The following NCKAP5 variants were observed in gnomAD, a reference collection of about 807,000 sequenced individuals.
NCKAP5 encodes NCK associated protein 5, also known as nck-associated protein 5.
NCKAP5 carries 92 observed loss-of-function variants against 167.0 expected under a neutral mutation model. That is an observed-to-expected ratio of 0.55 (90% CI 0.47 to 0.66). The LOEUF is 0.66. Ranked by LOEUF, NCKAP5 falls within the 30% of genes least tolerant of loss-of-function variation. NCKAP5 has a pLI of 0.00. For synonymous variants in NCKAP5, 891 were observed against 877.4 expected (o/e 1.02, Z -0.27); for missense variants, 2,378 against 2,315.0 (o/e 1.03, Z -0.56).
intron 5 of NCKAP5, among the ~76,000 whole-genome samples, chr2:133,173,751 T>C (rs991400860): frequency 6.6e-6 from 1 of 152,272 alleles, no homozygotes; most frequent in Non-Finnish European, 1.5e-5. Flanking sequence ...GGTCTAGCTC[T>C]GGCTTTTCTT....
chr2:133,065,914 C>A (rs1364942106), intron 6 of NCKAP5, among the ~76,000 whole-genome samples: 1 of 152,186 alleles, frequency 6.6e-6, no homozygotes, highest in Non-Finnish European at 1.5e-5. Context: ...ATATATAGTT[C>A]ATGTAGCTAT....
chr2:133,318,601 C>T (rs1320464702), intron 3 of NCKAP5, among the ~76,000 whole-genome samples: 1 of 152,146 alleles, frequency 6.6e-6, no homozygotes. Flanking sequence ...TCCTGAGGGG[C>T]CAAACCAAAT....
chr2:133,466,263 G>A (rs1407542459), intron 3 of NCKAP5, among the ~76,000 whole-genome samples: 2 of 147,910 alleles, frequency 1.4e-5, no homozygotes, highest in African/African-American at 5.0e-5. Flanking sequence ...TTATTAAATA[G>A]GGAATCCTTT....
At chr2:132,772,906 G>A (rs1484327084) in intron 16 of NCKAP5, among the ~76,000 whole-genome samples, 1 of 152,182 alleles carries the variant, frequency 6.6e-6, no homozygotes, top group Non-Finnish European at 1.5e-5. Flanking sequence ...ACTGAGAGTA[G>A]GCAGCTAAAG....
At chr2:133,040,834 G>T (rs2079195171) in intron 6 of NCKAP5, among the ~76,000 whole-genome samples, 1 of 152,086 alleles carries the variant, frequency 6.6e-6, no homozygotes, top group Non-Finnish European at 1.5e-5. Flanking sequence ...TGCAGAGTTG[G>T]GCTGGTCTAT....
At chr2:132,987,844 T>C (rs1436466284) in intron 7 of NCKAP5, among the ~76,000 whole-genome samples, 1 of 152,188 alleles carries the variant, frequency 6.6e-6, no homozygotes, top group Admixed American at 6.5e-5. Flanking sequence ...TGACCTAACA[T>C]TGGTAATGTG....
intron 6 of NCKAP5, among the ~76,000 whole-genome samples, chr2:133,111,751 A>G (rs890915074): frequency 3.9e-5 from 6 of 152,172 alleles, no homozygotes; most frequent in Admixed American, 3.9e-4. Flanking sequence ...ATCATTTCCA[A>G]TTTCATTCAA....
intron 6 of NCKAP5, among the ~76,000 whole-genome samples, chr2:133,073,905 G>A (rs565735657): frequency 6.6e-6 from 1 of 152,304 alleles, no homozygotes; most frequent in African/African-American, 2.4e-5. Flanking sequence ...GAAACCAGTT[G>A]TATCTAATGG....
At chr2:133,122,354 T>A (rs1343184959) in intron 6 of NCKAP5, 2 of 152,204 alleles carry the variant, frequency 1.3e-5, no homozygotes, top group African/African-American at 4.8e-5. Context: ...CAGTAATGTA[T>A]CAGAAGTTAT....
At chr2:133,176,260 C>G (rs564991198) in intron 5 of NCKAP5, among the ~76,000 whole-genome samples, 1 of 152,340 alleles carries the variant, frequency 6.6e-6, no homozygotes, top group South Asian at 2.1e-4. Context: ...CCATGAAAAG[C>G]CACATCATAT....
chr2:133,489,760 G>A (rs1369568716), intron 3 of NCKAP5, among the ~76,000 whole-genome samples: 1 of 152,162 alleles, frequency 6.6e-6, no homozygotes, highest in Non-Finnish European at 1.5e-5. Context: ...CAGTCAATCT[G>A]GCTAAATGCC....
chr2:133,469,152 C>T (rs7421091), intron 3 of NCKAP5, among the ~76,000 whole-genome samples: 79,636 of 151,248 alleles, frequency 0.53, 22,182 homozygotes, highest in East Asian at 0.72. Flanking sequence ...CTGGTACCGG[C>T]TTTTCCTTTC....
intron 4 of NCKAP5, among the ~76,000 whole-genome samples, chr2:133,260,124 G>A (rs1313845275): frequency 6.6e-6 from 1 of 152,236 alleles, no homozygotes; most frequent in African/African-American, 2.4e-5. Context: ...TGCATGTGAT[G>A]TCAACTTTAT....
chr2:133,634,191 G>C, the NCKAP5 span, among the ~76,000 whole-genome samples: 1 of 152,108 alleles, frequency 6.6e-6, no homozygotes, highest in Non-Finnish European at 1.5e-5. Flanking sequence ...TTTACAGCTT[G>C]CCAGTATGAA....
chr2:133,533,654 C>G (rs1442042146), intron 2 of NCKAP5, among the ~76,000 whole-genome samples: 1 of 152,168 alleles, frequency 6.6e-6, no homozygotes, highest in Non-Finnish European at 1.5e-5. Context: ...ATGATTTACT[C>G]TCCTTTTACA....
intron 9 of NCKAP5, among the ~76,000 whole-genome samples, chr2:132,873,800 T>G (rs1691031725): frequency 6.6e-6 from 1 of 152,228 alleles, no homozygotes; most frequent in Non-Finnish European, 1.5e-5. Flanking sequence ...AAGAGATAAC[T>G]GAAGAAATTA....
intron 3 of NCKAP5, among the ~76,000 whole-genome samples, chr2:133,369,352 A>T (rs541862203): frequency 5.9e-5 from 9 of 152,244 alleles, no homozygotes; most frequent in Non-Finnish European, 1.2e-4. Context: ...AGGCTGAGTC[A>T]CAAAGATGCC....
intron 11 of NCKAP5, among the ~76,000 whole-genome samples, chr2:132,839,123 A>G (rs1688109381): frequency 6.6e-6 from 1 of 152,130 alleles, no homozygotes; most frequent in African/African-American, 2.4e-5. Flanking sequence ...CTCTTAATTC[A>G]AATACTGCCC....
At chr2:133,217,415 C>T (rs995453105) in intron 4 of NCKAP5, among the ~76,000 whole-genome samples, 3 of 152,152 alleles carry the variant, frequency 2.0e-5, no homozygotes, top group African/African-American at 7.2e-5. Context: ...ACTTGCCACA[C>T]TCTTTTCTCT....
Sources: allele counts gnomAD v4.1 joint callset (sites outside exome capture counted in the v4.1 genomes callset), GRCh38; gene constraint gnomAD v4.1.1; transcripts MANE v1.5; gene names NCBI Gene and HGNC (gene_info 2026-07-23, HGNC 2026-07-21).